Variants in ZNF708 observed in about 807,000 individuals in gnomAD.
The protein encoded by ZNF708 is ZNF15, ZNF15L1.
Under a neutral mutation model 47.0 loss-of-function variants are expected in ZNF708, and 44 were observed. The observed-to-expected ratio is 0.94, with a 90% CI of 0.74 to 1.20. The LOEUF is 1.20. ZNF708 is among the 50% of genes most tolerant of loss of function. The pLI is 0.00. For synonymous variants in ZNF708, 184 were observed against 218.5 expected, an observed-to-expected ratio of 0.84 and a Z score of 1.39; for missense variants, 557 against 656.0, an observed-to-expected ratio of 0.85 and a Z score of 1.65.
intron 2 of ZNF708, among the ~76,000 whole-genome samples, chr19:21,309,963 G>T (rs201055234): frequency 0.048 from 4,488 of 94,480 alleles, no homozygotes; most frequent in Admixed American, 0.06. Context: ...CTAATCTAGA[G>T]TGAAGGATAC....
chr19:21,317,473 C>G (rs1973039849), intron 1 of ZNF708, among the ~76,000 whole-genome samples: 1 of 152,146 alleles, frequency 6.6e-6, no homozygotes, highest in Admixed American at 6.5e-5. Flanking sequence ...TGACTGGAAT[C>G]CTGAGAGGGA....
chr19:21,319,423 T>C (rs752318279), intron 1 of ZNF708, among the ~76,000 whole-genome samples: 1 of 151,436 alleles, frequency 6.6e-6, no homozygotes, highest in Non-Finnish European at 1.5e-5. Context: ...TATCATTGTG[T>C]TCAATTTGTG....
At chr19:21,324,856 G>T (rs978637464) in intron 1 of ZNF708, among the ~76,000 whole-genome samples, 26 of 152,124 alleles carry the variant, frequency 1.7e-4, no homozygotes, top group Admixed American at 1.7e-3. Flanking sequence ...AATTTACCCT[G>T]CAAAAAGAGG....
chr19:21,310,673 C>T (rs915705590), intron 1 of ZNF708, 46 bp from the exon 2 acceptor site: 1 of 1,379,982 alleles, frequency 7.2e-7, no homozygotes, highest in South Asian at 1.8e-5. Flanking sequence ...TGGTTATGGA[C>T]AGAATTTTTA....
intron 1 of ZNF708, chr19:21,318,794 A>G (rs1259185926): frequency 2.0e-5 from 3 of 152,122 alleles, no homozygotes; most frequent in Non-Finnish European, 2.9e-5. Flanking sequence ...CTGAAGGGCT[A>G]TTATGGTTTT....
chr19:21,307,079 A>G (rs1972790606), intron 3 of ZNF708: 1 of 147,530 alleles, frequency 6.8e-6, no homozygotes, highest in African/African-American at 2.5e-5. Context: ...ATAAAATAAA[A>G]TAAAATATAA....
chr19:21,321,861 T>G (rs73537883), intron 1 of ZNF708, among the ~76,000 whole-genome samples: 2,387 of 152,188 alleles, frequency 0.016, 72 homozygotes, highest in African/African-American at 0.051. Flanking sequence ...AACCTGCACA[T>G]GTACCAATGA....
intron 1 of ZNF708, among the ~76,000 whole-genome samples, chr19:21,315,777 G>A (rs73019936): frequency 0.02 from 2,978 of 147,706 alleles, 44 homozygotes; most frequent in Non-Finnish European, 0.034. Flanking sequence ...ATAGTGTCCA[G>A]TGTGGCATTT....
intron 1 of ZNF708, among the ~76,000 whole-genome samples, chr19:21,318,928 GAC>G (rs1323704397): frequency 6.6e-6 from 1 of 152,034 alleles, no homozygotes; most frequent in Non-Finnish European, 1.5e-5. Context: ...ATGTATGTCA[GAC>G]ACATATCTAC....
Position 21,293,241 on chromosome 19 carries a change from A to G in ZNF708, c.*33T>C. On this transcript the variant is annotated 3_prime_UTR_variant, in exon 4 of 4. Transcript: ENST00000356929. ...AGTATGAATTATCTTGTGTTTTAATAAAAGTTGAAAATACACTAAAGGATT... is the reference window on the plus strand; with the variant it reads ...AGTATGAATTATCTTGTGTTTTAATGAAAGTTGAAAATACACTAAAGGATT... The G allele has an allele frequency of 6.3e-7, 1 of 1,579,482 alleles. No individual in the cohort carries two copies. The highest frequency in any genetic ancestry group is 1.2e-5 in the South Asian group (1 of 85,924).
chr19:21,300,902 C>T (rs1239246065), intron 3 of ZNF708, among the ~76,000 whole-genome samples: 1 of 151,924 alleles, frequency 6.6e-6, no homozygotes, highest in African/African-American at 2.4e-5. Flanking sequence ...CCTCACGATC[C>T]ACCTGCCTCG....
At chr19:21,324,328 G>A (rs1168795523) in intron 1 of ZNF708, among the ~76,000 whole-genome samples, 1 of 152,196 alleles carries the variant, frequency 6.6e-6, no homozygotes, top group East Asian at 1.9e-4. Context: ...AGCACTTTGG[G>A]AGGCCGAGGC....
In ZNF708 at chr19:21,293,134, T is replaced by C; in HGVS notation, c.*140A>G. ...TTACATTTGTAGGGTTTCTCTCTAG[T>C]ATGAATTATCTTTTGTTTCATAAGG... is the stretch of plus-strand genomic sequence containing the variant. On this transcript the variant is annotated 3_prime_UTR_variant, in exon 4 of 4. Transcript: ENST00000356929. 1 of 1,086,066 alleles carries C rather than the reference T, an allele frequency of 9.2e-7. No homozygotes were observed. The highest frequency in any genetic ancestry group is 1.6e-5 in the African/African-American group (1 of 63,380). The allele number at this position is 1,086,066 out of a possible 1,614,324, so 67.3% of individuals were successfully genotyped here. A position where few individuals can be genotyped will look rare whatever the true frequency, so the allele number is the denominator to read the frequency against.
chr19:21,314,025 A>T (rs1972955864), intron 1 of ZNF708, among the ~76,000 whole-genome samples: 1 of 152,294 alleles, frequency 6.6e-6, no homozygotes, highest in South Asian at 2.1e-4. Flanking sequence ...TTTGGGTTTC[A>T]GGAAATTGGG....
At chr19:21,298,452 T>C (rs1972588017) in intron 3 of ZNF708, among the ~76,000 whole-genome samples, 2 of 152,144 alleles carry the variant, frequency 1.3e-5, no homozygotes, top group Non-Finnish European at 2.9e-5. Flanking sequence ...ATAATTAATA[T>C]TGTGTAGATG....
At chr19:21,316,089 T>C (rs1190241028) in intron 1 of ZNF708, among the ~76,000 whole-genome samples, 1 of 150,150 alleles carries the variant, frequency 6.7e-6, no homozygotes. Flanking sequence ...AAACCTTTTA[T>C]ATAGGAAATG....
intron 1 of ZNF708, among the ~76,000 whole-genome samples, chr19:21,311,601 G>T (rs546276237): frequency 6.6e-6 from 1 of 151,972 alleles, no homozygotes; most frequent in Non-Finnish European, 1.5e-5. Flanking sequence ...AATGATTTTA[G>T]GTAGACATCT....
intron 1 of ZNF708, among the ~76,000 whole-genome samples, chr19:21,321,331 G>A (rs1442512204): frequency 1.3e-5 from 2 of 152,076 alleles, no homozygotes; most frequent in Admixed American, 6.6e-5. Context: ...GCTCACGCCT[G>A]TATGCCACCA....
intron 1 of ZNF708, among the ~76,000 whole-genome samples, chr19:21,319,946 C>T (rs983771979): frequency 1.5e-4 from 23 of 152,120 alleles, no homozygotes; most frequent in Middle Eastern, 3.2e-3. Flanking sequence ...GAGGCCTAGG[C>T]AGGCAGATGA....
Sources: allele counts gnomAD v4.1 joint callset (sites outside exome capture counted in the v4.1 genomes callset), GRCh38; gene constraint gnomAD v4.1.1; transcripts MANE v1.5; gene names NCBI Gene and HGNC (gene_info 2026-07-23, HGNC 2026-07-21).